Variants in MYOM1 observed in about 807,000 individuals in gnomAD.
MYOM1 encodes myomesin 1, also known as myomesin-1.
A neutral mutation model predicts 205.3 loss-of-function variants in MYOM1; 164 were observed. The observed-to-expected ratio is 0.80, with a 90% CI of 0.70 to 0.91. The LOEUF is 0.91. MYOM1 is among the 40% of genes least tolerant of loss of function. The pLI is 0.00. For synonymous variants in MYOM1, 772 were observed against 789.4 expected (o/e 0.98, Z 0.37); for missense variants, 2,011 against 2,127.3 (o/e 0.95, Z 1.08).
intron 36 of MYOM1, among the ~76,000 whole-genome samples, chr18:3,075,074 C>A (rs995499195): frequency 3.3e-5 from 5 of 152,166 alleles, no homozygotes; most frequent in African/African-American, 1.2e-4. Context: ...GGATTGCAGG[C>A]GTGAGCCACC....
chr18:3,199,209 C>T (rs1419544246), intron 2 of MYOM1, among the ~76,000 whole-genome samples: 1 of 152,096 alleles, frequency 6.6e-6, no homozygotes, highest in East Asian at 1.9e-4. Flanking sequence ...ATTTGGGGAA[C>T]AATGTGATAA....
At chr18:3,087,963 G>A (rs942347097) in intron 29 of MYOM1, among the ~76,000 whole-genome samples, 12 of 152,200 alleles carry the variant, frequency 7.9e-5, no homozygotes, top group South Asian at 2.1e-4. Context: ...AGAGCTATGC[G>A]AAGACAGAGG....
At chr18:3,225,851 T>A in the MYOM1 span, among the ~76,000 whole-genome samples, 7 of 152,172 alleles carry the variant, frequency 4.6e-5, no homozygotes, top group African/African-American at 1.7e-4. Flanking sequence ...AAAGAACAGG[T>A]CAGGCAGCCA....
chr18:3,123,803 T>C (rs1404454877), intron 19 of MYOM1, among the ~76,000 whole-genome samples: 1 of 147,568 alleles, frequency 6.8e-6, no homozygotes, highest in Non-Finnish European at 1.5e-5. Context: ...AACTTTACTA[T>C]AAAGCTATAA....
chr18:3,139,005 C>T (rs559198216), intron 14 of MYOM1, among the ~76,000 whole-genome samples: 15 of 152,266 alleles, frequency 9.9e-5, no homozygotes, highest in African/African-American at 3.6e-4. Flanking sequence ...ATCTGCCAGG[C>T]ACAGTGGCTC....
In MYOM1 at chr18:3,085,057, G is replaced by T; in HGVS notation, c.4327C>A (p.Leu1443Ile). 6.2e-7 allele frequency: 1 copy of T among 1,605,330 alleles called. No homozygotes were observed. The highest frequency in any genetic ancestry group is 1.7e-5 in the Admixed American group (1 of 58,872). The change falls in exon 31 of 38, where the codon CTT becomes ATT. Residue 1443 changes from leucine (L) to isoleucine (I), a missense_variant. Leu to Ile is a conservative substitution (Grantham distance 5). Transcript: ENST00000356443. ...DRGKDKSRLK[L>I]VDEAFKELMM... is the part of the protein sequence containing the mutation. ...TTGGTGGACTGACCTTCATCCACAAGCTTCAGTCTGCTCTTATCTTTTCCT... is the reference window on the plus strand; with the variant it reads ...TTGGTGGACTGACCTTCATCCACAATCTTCAGTCTGCTCTTATCTTTTCCT...
chr18:3,095,741 G>T (rs2079295028), intron 25 of MYOM1, among the ~76,000 whole-genome samples: 1 of 152,088 alleles, frequency 6.6e-6, no homozygotes, highest in Non-Finnish European at 1.5e-5. Context: ...GGGTGGTGGA[G>T]CTGAGAGCAG....
At chr18:3,173,019 C>T (rs893969589) in intron 8 of MYOM1, among the ~76,000 whole-genome samples, 7 of 152,206 alleles carry the variant, frequency 4.6e-5, no homozygotes, top group African/African-American at 1.7e-4. Flanking sequence ...TGAAAAACTG[C>T]TATCAGCCAT....
chr18:3,139,017 C>G (rs1246079902), intron 14 of MYOM1, among the ~76,000 whole-genome samples: 3 of 152,158 alleles, frequency 2.0e-5, no homozygotes, highest in Non-Finnish European at 4.4e-5. Flanking sequence ...CAGTGGCTCA[C>G]AACTATAATC....
At chr18:3,128,399 G>T (rs546396051) in intron 18 of MYOM1, among the ~76,000 whole-genome samples, 3 of 152,254 alleles carry the variant, frequency 2.0e-5, no homozygotes, top group African/African-American at 7.2e-5. Context: ...GTTCATTGTT[G>T]TTTGATAGGA....
At chr18:3,231,172 C>T in the MYOM1 span, among the ~76,000 whole-genome samples, 1 of 152,158 alleles carries the variant, frequency 6.6e-6, no homozygotes, top group Non-Finnish European at 1.5e-5. Context: ...ATGGCCTGGG[C>T]CAAAAAGGCG....
chr18:3,085,820 A>G (rs1284370683), intron 30 of MYOM1, among the ~76,000 whole-genome samples: 1 of 152,208 alleles, frequency 6.6e-6, no homozygotes, highest in Non-Finnish European at 1.5e-5. Flanking sequence ...AGCAACTCAG[A>G]AAAGCAAGAG....
the MYOM1 span, among the ~76,000 whole-genome samples, chr18:3,240,148 G>T: frequency 3.0e-4 from 45 of 152,178 alleles, 1 homozygote; most frequent in Non-Finnish European, 5.9e-5. Context: ...TTTAGTAAAT[G>T]TAATTTAATC....
intron 14 of MYOM1, among the ~76,000 whole-genome samples, chr18:3,138,844 T>TG (rs1188592176): frequency 6.6e-6 from 1 of 152,196 alleles, no homozygotes; most frequent in East Asian, 1.9e-4. Context: ...CTGGGAAGAT[T>TG]GAAAGGTGGC....
At position 3,189,472 on chromosome 18, in the gene MYOM1, C is replaced by T. The variant is rs1455837085; in HGVS notation, c.432-385G>A. On this transcript the variant is annotated intron_variant, in intron 3 of 37. Transcript: ENST00000356443. The surrounding 1 kb of genome is among the most constrained non-coding windows in gnomAD (Gnocchi z 4.8). ...CCTCCTTGTTCAAGCAATTCTCCTGCCTCAGCCTCTCAAGGAGCTGGGATT... is the reference window on the plus strand; with the variant it reads ...CCTCCTTGTTCAAGCAATTCTCCTGTCTCAGCCTCTCAAGGAGCTGGGATT... 6.6e-6 allele frequency among the ~76,000 whole-genome samples: 1 copy of T among 151,964 alleles called. No individual in the cohort carries two copies. The highest frequency in any genetic ancestry group is 1.5e-5 in the Non-Finnish European group (1 of 68,028).
intron 29 of MYOM1, among the ~76,000 whole-genome samples, chr18:3,086,780 C>T (rs542268489): frequency 3.9e-5 from 6 of 151,956 alleles, no homozygotes; most frequent in Non-Finnish European, 7.4e-5. Flanking sequence ...ATTTTTTTTA[C>T]AAAGGAGAAT....
At chr18:3,191,138 C>T (rs2080898646) in intron 3 of MYOM1, among the ~76,000 whole-genome samples, 4 of 152,110 alleles carry the variant, frequency 2.6e-5, no homozygotes, top group African/African-American at 9.7e-5. Context: ...AACATGTTGA[C>T]AAAAGTATAC....
In MYOM1 at chr18:3,071,839, C is replaced by A; in HGVS notation, c.4759G>T (p.Gly1587Trp). 6.2e-7 allele frequency: 1 copy of A among 1,601,814 alleles called. No homozygotes were observed. The highest frequency in any genetic ancestry group is 2.3e-5 in the East Asian group (1 of 44,268). Residue 1587 changes from glycine (G) to tryptophan (W), a missense_variant, in exon 37 of 38, where the codon GGG becomes TGG. Coordinates refer to ENST00000356443, the MANE Select transcript of MYOM1 (RefSeq NM_003803.4). Reference protein sequence around the residue: ...GLPDVVTIQEGKALNLTCNVW... With the variant: ...GLPDVVTIQEWKALNLTCNVW... ...CAGGCAGGCTTCATGCTTACCTTCCCCTCCTGGATGGTGACCACGTCTGGG... is the reference window on the plus strand; with the variant it reads ...CAGGCAGGCTTCATGCTTACCTTCCACTCCTGGATGGTGACCACGTCTGGG...
chr18:3,244,907 A>T, the MYOM1 span, among the ~76,000 whole-genome samples: 1 of 151,346 alleles, frequency 6.6e-6, no homozygotes, highest in African/African-American at 2.4e-5. Flanking sequence ...TCAAAAAAAT[A>T]AGTAAATAAA....
Sources: allele counts gnomAD v4.1 joint callset (sites outside exome capture counted in the v4.1 genomes callset), GRCh38; gene constraint gnomAD v4.1.1; non-coding constraint Gnocchi (gnomAD v3.1); transcripts MANE v1.5; gene names NCBI Gene and HGNC (gene_info 2026-07-23, HGNC 2026-07-21).